MAP4: variants seen among roughly 807,000 people sequenced by gnomAD.
MAP4 encodes microtubule-associated protein 4.
In MAP4, 76 loss-of-function variants were observed where a neutral mutation model predicts 170.2. That is an observed-to-expected ratio of 0.45 (90% CI 0.37 to 0.54). The LOEUF is 0.54. Ranked by LOEUF, MAP4 falls within the 20% of genes least tolerant of loss-of-function variation. MAP4 has a pLI of 0.00. For synonymous variants in MAP4, 909 were observed against 994.5 expected, an observed-to-expected ratio of 0.91 and a Z score of 1.62; for missense variants, 2,506 against 2,748.0, an observed-to-expected ratio of 0.91 and a Z score of 1.97.
intron 1 of MAP4, among the ~76,000 whole-genome samples, chr3:48,079,137 C>T (rs1421694979): frequency 1.3e-5 from 2 of 151,954 alleles, no homozygotes; most frequent in African/African-American, 2.4e-5. Context: ...TGCCACTAAA[C>T]TCTGGCAACA....
At chr3:47,999,730 A>C (rs1307957772) in intron 1 of MAP4, among the ~76,000 whole-genome samples, 2 of 152,166 alleles carry the variant, frequency 1.3e-5, no homozygotes, top group South Asian at 2.1e-4. Flanking sequence ...AGGAGCAGAA[A>C]AGATAACTAT....
intron 1 of MAP4, chr3:48,039,557 G>T (rs2100120585): frequency 6.6e-6 from 1 of 152,310 alleles, no homozygotes; most frequent in Non-Finnish European, 1.5e-5. Flanking sequence ...ATAAATAAAA[G>T]TAGTTTTCAA....
chr3:48,060,050 T>C (rs1342117915), intron 1 of MAP4, among the ~76,000 whole-genome samples: 1 of 152,036 alleles, frequency 6.6e-6, no homozygotes, highest in Non-Finnish European at 1.5e-5. Flanking sequence ...ACATTTAATA[T>C]ACATGGGTTA....
chr3:48,021,176 G>A (rs1162141418), upstream of MAP4, among the ~76,000 whole-genome samples: 6 of 152,096 alleles, frequency 3.9e-5, no homozygotes, highest in Non-Finnish European at 8.8e-5. Flanking sequence ...TTGTTAGGAA[G>A]GTGTTTTAGA....
At position 47,853,368 on chromosome 3, in the gene MAP4, G is replaced by T. The variant is rs1197107937; in HGVS notation, c.6697-16C>A. 7 of 1,583,904 alleles carry T rather than the reference G, an allele frequency of 4.4e-6. No homozygotes were observed. The highest frequency in any genetic ancestry group is 6.0e-6 in the Non-Finnish European group (7 of 1,166,628). Reference sequence around the variant, plus strand: ...CGCCCTCAGTCTACAATGAAACAGTGGGGGAGACAGTGCAGGGTCAGTCGA... The same window carrying T: ...CGCCCTCAGTCTACAATGAAACAGTTGGGGAGACAGTGCAGGGTCAGTCGA... On this transcript the variant is annotated splice_polypyrimidine_tract_variant and intron_variant, in intron 19 of 20. Coordinates refer to ENST00000683076, the MANE Select transcript of MAP4 (RefSeq NM_001385682.1).
chr3:48,055,763 G>A (rs1419137422), intron 1 of MAP4, among the ~76,000 whole-genome samples: 77 of 124,926 alleles, frequency 6.2e-4, no homozygotes, highest in Admixed American at 7.9e-4. Flanking sequence ...AGTGAGGAGC[G>A]CCTCTTCCCA....
Position 47,855,235 on chromosome 3 carries a change from A to C in MAP4, c.6696+13T>G. On this transcript the variant is annotated intron_variant, in intron 19 of 20. Transcript: ENST00000683076. The surrounding 1 kb of genome is among the most constrained non-coding windows in gnomAD (Gnocchi z 5.1). The stretch of plus-strand genomic sequence containing the variant: ...CCTCCCCAGCTGTGTCTCCCCAGTG[A>C]CCCACTCGCTACCTTCACAGCACCT... 6.3e-7 allele frequency: 1 copy of C among 1,593,816 alleles called. No individual in the cohort carries two copies. Among genetic ancestry groups the C allele is most frequent in the Non-Finnish European group, 8.6e-7 (1 of 1,161,558 alleles).
chr3:48,062,937 A>G (rs904749604), intron 1 of MAP4, among the ~76,000 whole-genome samples: 1 of 151,734 alleles, frequency 6.6e-6, no homozygotes, highest in African/African-American at 2.4e-5. Flanking sequence ...AAAAAAAAAA[A>G]AAGAAAGAAA....
rs1469045456 is a variant in MAP4 at position 47,855,995 on chromosome 3, G to A, written c.6584-635C>T. On this transcript the variant is annotated intron_variant, in intron 18 of 20. Transcript: ENST00000683076. This position sits in a 1 kb window ranked among gnomAD's most constrained non-coding sequence, Gnocchi z 5.1. ...TGAGGAAGGAAAGACATGGACCAAG[G>A]CAGGCCTGGGATCTAGTGACCTCAG... Among the ~76,000 whole-genome samples, 1 of 152,216 alleles carries A rather than the reference G, an allele frequency of 6.6e-6. No individual in the cohort carries two copies. The highest frequency in any genetic ancestry group is 2.4e-5 in the African/African-American group (1 of 41,448).
intron 3 of MAP4, among the ~76,000 whole-genome samples, chr3:47,968,361 C>A (rs1207316367): frequency 6.6e-6 from 1 of 152,094 alleles, no homozygotes; most frequent in Non-Finnish European, 1.5e-5. Flanking sequence ...AGAAAACAAG[C>A]CTCCATATAT....
chr3:47,922,491 C>G (rs1476805691), intron 4 of MAP4, among the ~76,000 whole-genome samples: 2 of 151,756 alleles, frequency 1.3e-5, no homozygotes, highest in Admixed American at 1.3e-4. Flanking sequence ...AAAGTATAAA[C>G]TAAATTTTCA....
chr3:47,988,998 G>C (rs2154336701), intron 2 of MAP4, among the ~76,000 whole-genome samples: 2 of 152,224 alleles, frequency 1.3e-5, no homozygotes, highest in Non-Finnish European at 2.9e-5. Flanking sequence ...TTTTAGTAGA[G>C]ATGAGATTTC....
chr3:47,932,751 T>C (rs2100050590), intron 3 of MAP4, among the ~76,000 whole-genome samples: 1 of 152,178 alleles, frequency 6.6e-6, no homozygotes, highest in Non-Finnish European at 1.5e-5. Flanking sequence ...GGGGTCTCAT[T>C]ATGTTGCCCA....
intron 2 of MAP4, among the ~76,000 whole-genome samples, chr3:47,985,866 G>T (rs973315465): frequency 1.3e-5 from 2 of 152,184 alleles, no homozygotes; most frequent in African/African-American, 4.8e-5. Context: ...ATGAAATAAG[G>T]TTCGTGGATT....
intron 16 of MAP4, among the ~76,000 whole-genome samples, chr3:47,868,102 C>T (rs186192608): frequency 6.6e-5 from 10 of 152,282 alleles, no homozygotes; most frequent in Middle Eastern, 3.4e-3. Flanking sequence ...CTAAGCAGGG[C>T]AGCAAGGACG....
intron 1 of MAP4, among the ~76,000 whole-genome samples, chr3:48,023,974 A>G (rs2100111811): frequency 6.6e-6 from 1 of 152,224 alleles, no homozygotes; most frequent in Non-Finnish European, 1.5e-5. Context: ...CAAAGATACA[A>G]AAAGCAATAT....
At chr3:48,031,890 CAT>C (rs1275466777) in intron 1 of MAP4, among the ~76,000 whole-genome samples, 2 of 151,344 alleles carry the variant, frequency 1.3e-5, no homozygotes, top group Non-Finnish European at 2.9e-5. Context: ...TACACACACA[CAT>C]ACACACACAC....
rs918305236 is a variant in MAP4 at position 48,074,807 on chromosome 3, G to A, written c.-20+13966C>T. Among the ~76,000 whole-genome samples, 11 of 150,884 alleles carry A rather than the reference G, an allele frequency of 7.3e-5. No homozygotes were observed. The Admixed American group carries it at 7.3e-4, about 10-fold the overall frequency. On this transcript the variant is annotated intron_variant, in intron 1 of 18. Coordinates refer to the MAP4 transcript ENST00000360240. ...GCCTCCCAAAGTGCTGGGATTACAG[G>A]TGTCAGCCACCACCACACTCAGCTT...
intron 10 of MAP4, among the ~76,000 whole-genome samples, chr3:47,893,277 G>T (rs1204441948): frequency 1.3e-5 from 2 of 152,162 alleles, no homozygotes; most frequent in Non-Finnish European, 2.9e-5. Context: ...AGACATTTGT[G>T]TGACAACATA....
Sources: allele counts gnomAD v4.1 joint callset (sites outside exome capture counted in the v4.1 genomes callset), GRCh38; gene constraint gnomAD v4.1.1; non-coding constraint Gnocchi (gnomAD v3.1); transcripts MANE v1.5; gene names NCBI Gene and HGNC (gene_info 2026-07-23, HGNC 2026-07-21).